Variants in LRRTM3 observed in about 807,000 individuals in gnomAD.
LRRTM3 encodes the protein leucine rich repeat transmembrane neuronal 3.
LRRTM3 carries 24 observed loss-of-function variants against 44.7 expected under a neutral mutation model. That is an observed-to-expected ratio of 0.54 (90% CI 0.39 to 0.76). LRRTM3 has a LOEUF of 0.76. Ranked by LOEUF, LRRTM3 falls within the 30% of genes least tolerant of loss-of-function variation. The pLI is 0.00. For synonymous variants in LRRTM3, 277 were observed against 278.7 expected, an observed-to-expected ratio of 0.99 and a Z score of 0.06; for missense variants, 587 against 702.2, an observed-to-expected ratio of 0.84 and a Z score of 1.85.
chr10:67,005,810 C>T (rs2140377), intron 2 of LRRTM3, among the ~76,000 whole-genome samples: 78,320 of 149,094 alleles, frequency 0.53, 21,233 homozygotes, highest in Middle Eastern at 0.74. Context: ...CTCAGCCTCC[C>T]GAGTAACTGG....
At chr10:67,049,357 C>T (rs547281533) in intron 2 of LRRTM3, among the ~76,000 whole-genome samples, 76 of 152,216 alleles carry the variant, frequency 5.0e-4, no homozygotes, top group African/African-American at 1.8e-3. Flanking sequence ...TTTCAAATCC[C>T]ATTATCCAAT....
rs1408481027 is a variant in LRRTM3, at chr10:66,928,389, C to A, written c.1473C>A (p.Ser491Arg). The stretch of plus-strand genomic sequence containing the variant: ...ATAAACCCACCAACACGGAGACCAG[C>A]GAGATGCTGCTGAATGGGACGGGAC... ...VDYKPTNTET[S>R]EMLLNGTGPC... Residue 491 changes from serine to arginine, a missense_variant, in exon 2 of 3, where the codon AGC (serine) becomes AGA (arginine). By Grantham distance (110) the Ser-to-Arg change is moderately radical. Around this residue, in one of 3 missense-constraint regions of LRRTM3, gnomAD observed 315 missense variants for 335.6 expected, o/e 0.94. Transcript: ENST00000361320. 4 of 1,614,050 alleles carry A rather than the reference C, an allele frequency of 2.5e-6. No individual in the cohort carries two copies. The highest frequency in any genetic ancestry group is 2.2e-5 in the East Asian group (1 of 44,874).
At chr10:67,058,460 A>C (rs1855569489) in intron 2 of LRRTM3, among the ~76,000 whole-genome samples, 1 of 152,246 alleles carries the variant, frequency 6.6e-6, no homozygotes, top group East Asian at 1.9e-4. Context: ...GTAAATTAGC[A>C]GTAAACAACA....
intron 2 of LRRTM3, among the ~76,000 whole-genome samples, chr10:67,035,434 T>C (rs1358617465): frequency 6.6e-6 from 1 of 152,206 alleles, no homozygotes. Context: ...CCTTTGAAGT[T>C]GTTGCTCTTG....
intron 2 of LRRTM3, among the ~76,000 whole-genome samples, chr10:67,030,484 C>T (rs1419970568): frequency 6.6e-6 from 1 of 151,972 alleles, no homozygotes; most frequent in Non-Finnish European, 1.5e-5. Context: ...AATATATTCA[C>T]ACCCACACAA....
intron 2 of LRRTM3, among the ~76,000 whole-genome samples, chr10:66,997,176 C>G (rs1317062618): frequency 6.6e-6 from 1 of 152,230 alleles, no homozygotes; most frequent in East Asian, 1.9e-4. Context: ...CAAAACAACC[C>G]TTTGTATTAT....
chr10:66,993,287 AT>A, intron 2 of LRRTM3, among the ~76,000 whole-genome samples: 1 of 152,144 alleles, frequency 6.6e-6, no homozygotes, highest in East Asian at 1.9e-4. Context: ...AAAGGCAGAA[AT>A]TGCAGATGTC....
chr10:67,040,210 G>A (rs1043217533), intron 2 of LRRTM3, among the ~76,000 whole-genome samples: 1 of 152,120 alleles, frequency 6.6e-6, no homozygotes. Context: ...GAAGACACAG[G>A]TGTTCTCTGT....
At chr10:67,087,619 A>T (rs991564437) in intron 2 of LRRTM3, among the ~76,000 whole-genome samples, 1 of 152,040 alleles carries the variant, frequency 6.6e-6, no homozygotes, top group African/African-American at 2.4e-5. Flanking sequence ...TGGATCTCAA[A>T]CATCATAATG....
intron 2 of LRRTM3, among the ~76,000 whole-genome samples, chr10:66,931,698 T>A (rs963555322): frequency 6.6e-6 from 1 of 152,190 alleles, no homozygotes; most frequent in Non-Finnish European, 1.5e-5. Flanking sequence ...GAAATATAAT[T>A]ATAATGTAAT....
At chr10:66,975,314 C>G (rs925263634) in intron 2 of LRRTM3, among the ~76,000 whole-genome samples, 2 of 152,158 alleles carry the variant, frequency 1.3e-5, no homozygotes, top group African/African-American at 4.8e-5. Context: ...GTATGCACAA[C>G]ATGCATGCTG....
intron 2 of LRRTM3, among the ~76,000 whole-genome samples, chr10:66,967,311 T>C (rs148224205): frequency 1.3e-4 from 20 of 150,922 alleles, no homozygotes; most frequent in African/African-American, 4.1e-4. Context: ...TAGGTATAGA[T>C]AGATATAGAT....
chr10:67,068,453 A>C (rs933446125), intron 2 of LRRTM3, among the ~76,000 whole-genome samples: 12 of 152,200 alleles, frequency 7.9e-5, no homozygotes, highest in African/African-American at 2.4e-4. Context: ...AACCCTGGAG[A>C]GTTCTGAGTT....
At chr10:67,063,615 T>C (rs897264807) in intron 2 of LRRTM3, among the ~76,000 whole-genome samples, 8 of 152,308 alleles carry the variant, frequency 5.3e-5, no homozygotes, top group Middle Eastern at 3.4e-3. Context: ...TTTTAGATAA[T>C]GCATATGACA....
chr10:66,959,300 T>G (rs924148407), intron 2 of LRRTM3, among the ~76,000 whole-genome samples: 1 of 152,184 alleles, frequency 6.6e-6, no homozygotes, highest in Non-Finnish European at 1.5e-5. Context: ...AATGCCTGGA[T>G]TGATGATCAG....
chr10:66,985,995 G>C (rs934761648), intron 2 of LRRTM3, among the ~76,000 whole-genome samples: 16 of 151,958 alleles, frequency 1.1e-4, no homozygotes, highest in Admixed American at 1.0e-3. Context: ...AAAAGTGCTG[G>C]GATTACAGGC....
intron 2 of LRRTM3, among the ~76,000 whole-genome samples, chr10:66,994,177 A>T (rs959499041): frequency 1.1e-4 from 16 of 152,202 alleles, no homozygotes; most frequent in African/African-American, 3.9e-4. Flanking sequence ...TATAAAAACC[A>T]GTAAGTAATG....
Position 66,950,305 on chromosome 10 carries a change from T to C in LRRTM3, c.1536+21853T>C, listed in dbSNP as rs373890714. 3.3e-5 allele frequency among the ~76,000 whole-genome samples: 5 copies of C among 152,242 alleles called. No individual in the cohort carries two copies. In the East Asian group the frequency reaches 9.6e-4, roughly 29 times the overall value. ...TTTTCTAACTTGAAGTATATTTACTTATATCTATAATTATCTTCCTTTCAG... is the reference window on the plus strand; with the variant it reads ...TTTTCTAACTTGAAGTATATTTACTCATATCTATAATTATCTTCCTTTCAG... On this transcript the variant is annotated intron_variant, in intron 2 of 2. Coordinates refer to ENST00000361320, the MANE Select transcript of LRRTM3 (RefSeq NM_178011.5).
intron 2 of LRRTM3, among the ~76,000 whole-genome samples, chr10:66,956,312 G>A (rs1848789814): frequency 6.6e-6 from 1 of 151,758 alleles, no homozygotes; most frequent in South Asian, 2.1e-4. Flanking sequence ...CCACTGGTAA[G>A]AGTTTTGGGA....
Sources: allele counts gnomAD v4.1 joint callset (sites outside exome capture counted in the v4.1 genomes callset), GRCh38; gene constraint gnomAD v4.1.1; regional missense constraint gnomAD v4.1.1; transcripts MANE v1.5; gene names NCBI Gene and HGNC (gene_info 2026-07-23, HGNC 2026-07-21).